Variants in CDKAL1 observed in about 807,000 individuals in gnomAD.
The protein encoded by CDKAL1 is CDKAL1 threonylcarbamoyladenosine tRNA methylthiotransferase, also known as threonylcarbamoyladenosine tRNA methylthiotransferase.
CDKAL1 carries 32 observed loss-of-function variants against 68.2 expected under a neutral mutation model. The ratio of observed to expected loss-of-function variants is 0.47; its 90% CI spans 0.35 to 0.63. The LOEUF is 0.63. CDKAL1 is among the 30% of genes least tolerant of loss of function. The pLI is 0.00. For missense variants in CDKAL1, 606 were observed against 696.7 expected, an observed-to-expected ratio of 0.87 and a Z score of 1.47; for synonymous variants, 234 against 244.3, an observed-to-expected ratio of 0.96 and a Z score of 0.39.
rs11364854 is a variant in CDKAL1, at chr6:20,682,951, C to CT, written c.371+33592dup. 1.1e-3 allele frequency among the ~76,000 whole-genome samples: 143 copies of CT among 126,500 alleles called. 1 individual carries two copies. The highest frequency in any genetic ancestry group is 3.0e-3 in the East Asian group (13 of 4,374). 83.0% of individuals were successfully genotyped at this position (126,500 alleles called of 152,430 possible). Reference sequence around the variant, plus strand: ...AATAGTAGCTCTTTTCTTTTTCTTTCTTTTTTTTTTTTTTTTTTAGAGACA... The same window carrying CT: ...AATAGTAGCTCTTTTCTTTTTCTTTCTTTTTTTTTTTTTTTTTTTAGAGACA... On this transcript the variant is annotated intron_variant, in intron 5 of 15. Transcript: ENST00000274695.
At chr6:20,784,147 A>G (rs1418835843) in intron 8 of CDKAL1, among the ~76,000 whole-genome samples, 1 of 151,196 alleles carries the variant, frequency 6.6e-6, no homozygotes, top group Non-Finnish European at 1.5e-5. Context: ...TGGGTGGCAG[A>G]GGTTGCAGTG....
intron 8 of CDKAL1, among the ~76,000 whole-genome samples, chr6:20,803,908 A>G (rs940340459): frequency 2.0e-5 from 3 of 152,180 alleles, no homozygotes; most frequent in African/African-American, 7.2e-5. Flanking sequence ...TTAGGATAAT[A>G]TAACACTTCT....
chr6:20,713,936 T>C (rs1562046386), intron 5 of CDKAL1, among the ~76,000 whole-genome samples: 1 of 152,286 alleles, frequency 6.6e-6, no homozygotes, highest in South Asian at 2.1e-4. Context: ...ATGCTAACTT[T>C]GATCATATTT....
At chr6:20,624,047 A>G (rs896374441) in intron 4 of CDKAL1, among the ~76,000 whole-genome samples, 1 of 152,046 alleles carries the variant, frequency 6.6e-6, no homozygotes, top group African/African-American at 2.4e-5. Flanking sequence ...TCTTTGAAGG[A>G]CTGATAACCT....
chr6:20,619,234 A>G (rs957293228), intron 4 of CDKAL1, among the ~76,000 whole-genome samples: 1 of 152,230 alleles, frequency 6.6e-6, no homozygotes, highest in Non-Finnish European at 1.5e-5. Flanking sequence ...TTGTGCATCT[A>G]TAAAATTCTT....
chr6:20,798,233 TAAGGGTATAGCAC>T (rs1456345136), intron 8 of CDKAL1, among the ~76,000 whole-genome samples: 1 of 151,940 alleles, frequency 6.6e-6, no homozygotes, highest in Non-Finnish European at 1.5e-5. Flanking sequence ...AGTGTTTGGG[TAAGGGTATAGCAC>T]AAGGGAATGT....
At chr6:21,166,385 C>T (rs1562086249) in intron 13 of CDKAL1, among the ~76,000 whole-genome samples, 1 of 152,096 alleles carries the variant, frequency 6.6e-6, no homozygotes, top group Non-Finnish European at 1.5e-5. Context: ...AATTCCCCTA[C>T]CAGTTTTAAG....
intron 9 of CDKAL1, among the ~76,000 whole-genome samples, chr6:20,922,588 GT>G (rs1484497353): frequency 6.6e-6 from 1 of 152,116 alleles, no homozygotes; most frequent in Non-Finnish European, 1.5e-5. Flanking sequence ...AAACTGAGGG[GT>G]GCTTACTTTC....
intron 6 of CDKAL1, among the ~76,000 whole-genome samples, chr6:20,750,189 C>G (rs1373566874): frequency 2.6e-5 from 4 of 152,184 alleles, no homozygotes; most frequent in African/African-American, 9.7e-5. Flanking sequence ...TCACGGCACA[C>G]TGCAGCCTCC....
In CDKAL1 at chr6:21,198,245, CAT is replaced by C. The variant is rs570660888; in HGVS notation, c.1383+142_1383+143del. ...TATCGCTTCAAGCCAGCCAGGCTAA[CAT>C]GGACTTTATCTTTGTGACTTACTCT... On this transcript the variant is annotated intron_variant, in intron 14 of 15. Coordinates refer to ENST00000274695, the MANE Select transcript of CDKAL1 (RefSeq NM_017774.3). The C allele has an allele frequency of 1.2e-3, 719 of 575,898 alleles. 4 individuals carry two copies. The highest frequency in any genetic ancestry group is 0.012 in the African/African-American group (624 of 52,820). The allele number at this position is 575,898 out of a possible 1,614,324, so 35.7% of individuals were successfully genotyped here. A position where few individuals can be genotyped will look rare whatever the true frequency, so the allele number is the denominator to read the frequency against.
At chr6:21,044,852 T>C (rs1770133750) in intron 11 of CDKAL1, among the ~76,000 whole-genome samples, 1 of 152,160 alleles carries the variant, frequency 6.6e-6, no homozygotes, top group African/African-American at 2.4e-5. Flanking sequence ...ATTTATAAAC[T>C]ATAGAAATTT....
intron 9 of CDKAL1, among the ~76,000 whole-genome samples, chr6:20,850,104 T>C (rs1457709716): frequency 6.6e-6 from 1 of 152,206 alleles, no homozygotes; most frequent in Non-Finnish European, 1.5e-5. Context: ...GACCAGAAAC[T>C]CTTAAGTTCT....
intron 4 of CDKAL1, among the ~76,000 whole-genome samples, chr6:20,565,089 A>G (rs1166918259): frequency 1.3e-5 from 2 of 152,246 alleles, no homozygotes; most frequent in Non-Finnish European, 2.9e-5. Context: ...GTAGTTTATG[A>G]CCTAGAAAGA....
At chr6:20,548,532 CAA>C (rs370920469) in intron 3 of CDKAL1, 59 bp from the exon 4 acceptor site, 8,710 of 655,948 alleles carry the variant, frequency 0.013, no homozygotes, top group East Asian at 0.018. Flanking sequence ...GACCCTGGAT[CAA>C]AAAAAAAAAA....
At chr6:20,609,329 T>C (rs1291146127) in intron 4 of CDKAL1, among the ~76,000 whole-genome samples, 3 of 111,980 alleles carry the variant, frequency 2.7e-5, no homozygotes, top group Non-Finnish European at 3.7e-5. Context: ...CCTCTCTCCC[T>C]CCTCCCTCTC....
chr6:21,115,937 G>A (rs1285398764), intron 13 of CDKAL1, among the ~76,000 whole-genome samples: 1 of 151,156 alleles, frequency 6.6e-6, no homozygotes, highest in East Asian at 2.0e-4. Context: ...TAGCTGAGCT[G>A]TTTCCTGCTT....
intron 9 of CDKAL1, among the ~76,000 whole-genome samples, chr6:20,912,948 A>G (rs1182179663): frequency 6.6e-6 from 1 of 152,044 alleles, no homozygotes; most frequent in Non-Finnish European, 1.5e-5. Flanking sequence ...ATATCAATTT[A>G]TTGTGAATTG....
intron 12 of CDKAL1, among the ~76,000 whole-genome samples, chr6:21,065,664 C>T (rs537375072): frequency 8.0e-6 from 1 of 125,608 alleles, no homozygotes; most frequent in Admixed American, 8.9e-5. Context: ...AGATTTGATA[C>T]TATCTTTCTA....
chr6:20,739,486 G>A, intron 5 of CDKAL1, 33 bp from the exon 6 acceptor site: 1 of 1,378,494 alleles, frequency 7.3e-7, no homozygotes, highest in Non-Finnish European at 1.0e-6. Flanking sequence ...CATGAGCAAA[G>A]GAATTCACAT....
Sources: gnomAD v4.1 joint callset for allele counts (sites outside exome capture counted in the v4.1 genomes callset) on GRCh38, gnomAD v4.1.1 for gene constraint, MANE v1.5 for transcripts, NCBI Gene and HGNC (gene_info 2026-07-23, HGNC 2026-07-21) for gene names.